HCN1: variants seen among roughly 807,000 people sequenced by gnomAD.
The protein encoded by HCN1 is potassium/sodium hyperpolarization-activated cyclic nucleotide-gated channel 1.
HCN1 carries 13 observed loss-of-function variants against 78.9 expected under a neutral mutation model. The observed-to-expected ratio is 0.16, with a 90% CI of 0.11 to 0.26. HCN1 has a LOEUF of 0.26. Ranked by LOEUF, HCN1 falls within the 10% of genes least tolerant of loss-of-function variation. The pLI, the probability that HCN1 is intolerant of heterozygous loss-of-function variation, is 1.00. For missense variants in HCN1, 810 were observed against 1,154.3 expected, an observed-to-expected ratio of 0.70 and a Z score of 4.32; for synonymous variants, 552 against 455.5, an observed-to-expected ratio of 1.21 and a Z score of -2.70.
chr5:45,446,690 C>T (rs1740805152), intron 3 of HCN1, among the ~76,000 whole-genome samples: 1 of 152,196 alleles, frequency 6.6e-6, no homozygotes, highest in Non-Finnish European at 1.5e-5. Flanking sequence ...GTGGATCTCT[C>T]AGCAGAAACT....
chr5:45,405,599 G>A (rs1424206491), intron 3 of HCN1, among the ~76,000 whole-genome samples: 1 of 151,986 alleles, frequency 6.6e-6, no homozygotes, highest in Non-Finnish European at 1.5e-5. Flanking sequence ...ATAGAGATAA[G>A]GTCTTGCTAT....
chr5:45,367,670 A>C (rs1747263524), intron 4 of HCN1, among the ~76,000 whole-genome samples: 1 of 151,958 alleles, frequency 6.6e-6, no homozygotes, highest in African/African-American at 2.4e-5. Context: ...GCTTTTCAGA[A>C]CCAGGTCACC....
chr5:45,545,624 G>A (rs986085514), intron 2 of HCN1, among the ~76,000 whole-genome samples: 1 of 151,962 alleles, frequency 6.6e-6, no homozygotes, highest in Non-Finnish European at 1.5e-5. Context: ...TAATTTTTGT[G>A]TAAGGTGTAA....
intron 5 of HCN1, among the ~76,000 whole-genome samples, chr5:45,333,565 C>G (rs921400521): frequency 1.3e-5 from 2 of 151,632 alleles, no homozygotes; most frequent in African/African-American, 4.8e-5. Context: ...TTTCTCAGAC[C>G]AATGTCTGAG....
chr5:45,688,984 G>A (rs1055053328), intron 1 of HCN1, among the ~76,000 whole-genome samples: 9 of 152,062 alleles, frequency 5.9e-5, no homozygotes, highest in African/African-American at 2.2e-4. Flanking sequence ...GGCTGAGCGG[G>A]AGGGCGGGAG....
chr5:45,586,414 C>A (rs1048554285), intron 2 of HCN1, among the ~76,000 whole-genome samples: 10 of 152,116 alleles, frequency 6.6e-5, no homozygotes, highest in Non-Finnish European at 2.9e-5. Context: ...TTTCCAGGTG[C>A]CATCTGTTAC....
chr5:45,480,918 T>C (rs573007665), intron 2 of HCN1, among the ~76,000 whole-genome samples: 2 of 152,310 alleles, frequency 1.3e-5, no homozygotes, highest in East Asian at 3.9e-4. Flanking sequence ...AAACACTATG[T>C]CATATGAATT....
chr5:45,685,009 G>C (rs1468345317), intron 1 of HCN1, among the ~76,000 whole-genome samples: 2 of 152,268 alleles, frequency 1.3e-5, no homozygotes, highest in African/African-American at 2.4e-5. Context: ...CATTCTGCAA[G>C]GGTATAAGTG....
intron 5 of HCN1, among the ~76,000 whole-genome samples, chr5:45,326,013 TA>T (rs1162690649): frequency 6.6e-6 from 1 of 151,640 alleles, no homozygotes; most frequent in Non-Finnish European, 1.5e-5. Flanking sequence ...TGAATTGACA[TA>T]AGATGCCTTA....
chr5:45,313,362 C>G (rs1013341405), intron 5 of HCN1, among the ~76,000 whole-genome samples: 5 of 152,122 alleles, frequency 3.3e-5, no homozygotes, highest in Admixed American at 3.3e-4. Context: ...AAAACCCCAT[C>G]TGTACGTCAC....
At chr5:45,498,092 T>G (rs888039253) in intron 2 of HCN1, among the ~76,000 whole-genome samples, 2 of 152,144 alleles carry the variant, frequency 1.3e-5, no homozygotes, top group Admixed American at 6.5e-5. Flanking sequence ...AGGAGTATCT[T>G]TGTGGCGTTC....
chr5:45,293,367 G>A, intron 6 of HCN1, among the ~76,000 whole-genome samples: 1 of 151,932 alleles, frequency 6.6e-6, no homozygotes, highest in East Asian at 1.9e-4. Flanking sequence ...GCCAGGCATG[G>A]TGGTATACAC....
rs1579760702 is a variant in HCN1 at position 45,259,914 on chromosome 5, G to T, written c.*2007C>A. The stretch of plus-strand genomic sequence containing the variant: ...TCTTGCAGCTTTCCCATAGGTTCTA[G>T]GTAGACTGAACAATCCCTTTCTTAC... On this transcript the variant is annotated 3_prime_UTR_variant, in exon 8 of 8. Coordinates refer to ENST00000303230, the MANE Select transcript of HCN1 (RefSeq NM_021072.4). 1 of 152,488 alleles carries T rather than the reference G, an allele frequency of 6.6e-6. No individual in the cohort carries two copies. Among genetic ancestry groups the T allele is most frequent in the African/African-American group, 2.4e-5 (1 of 41,402 alleles). 9.4% of individuals were successfully genotyped at this position (152,488 alleles called of 1,614,324 possible).
intron 4 of HCN1, among the ~76,000 whole-genome samples, chr5:45,370,677 C>T (rs1240892291): frequency 2.6e-5 from 4 of 151,944 alleles, no homozygotes; most frequent in Admixed American, 2.0e-4. Context: ...CTTATTTATT[C>T]TTTTCCAAAC....
intron 3 of HCN1, among the ~76,000 whole-genome samples, chr5:45,436,122 C>T (rs968415734): frequency 1.3e-5 from 2 of 152,152 alleles, no homozygotes; most frequent in African/African-American, 4.8e-5. Flanking sequence ...ATAGACAGCA[C>T]TTGTGTGCAA....
chr5:45,425,357 AATC>A (rs1740323491), intron 3 of HCN1, among the ~76,000 whole-genome samples: 1 of 152,246 alleles, frequency 6.6e-6, no homozygotes, highest in African/African-American at 2.4e-5. Flanking sequence ...TAAACTCAAA[AATC>A]ATTCATTAAA....
chr5:45,526,974 G>A (rs1377245400), intron 2 of HCN1, among the ~76,000 whole-genome samples: 1 of 142,022 alleles, frequency 7.0e-6, no homozygotes, highest in South Asian at 2.4e-4. Context: ...AACTAACTTG[G>A]GTTTCAGTCG....
intron 2 of HCN1, among the ~76,000 whole-genome samples, chr5:45,622,375 C>T (rs1745084810): frequency 6.6e-6 from 1 of 152,130 alleles, no homozygotes; most frequent in South Asian, 2.1e-4. Context: ...AAAACTGTTG[C>T]TCACCATAAT....
chr5:45,512,482 G>A (rs1399537211), intron 2 of HCN1, among the ~76,000 whole-genome samples: 3 of 151,956 alleles, frequency 2.0e-5, no homozygotes, highest in Admixed American at 6.6e-5. Flanking sequence ...TAACAGATTA[G>A]TATGTATAAA....
Sources: allele counts gnomAD v4.1 joint callset (sites outside exome capture counted in the v4.1 genomes callset), GRCh38; gene constraint gnomAD v4.1.1; transcripts MANE v1.5; gene names NCBI Gene and HGNC (gene_info 2026-07-23, HGNC 2026-07-21).